The following PHF19 variants were observed in gnomAD, a reference collection of about 807,000 sequenced individuals.
PHF19 encodes the protein PHD finger protein 19.
PHF19 carries 21 observed loss-of-function variants against 79.8 expected under a neutral mutation model. The observed-to-expected ratio is 0.26, with a 90% CI of 0.19 to 0.38. The LOEUF is 0.38. Ranked by LOEUF, PHF19 falls within the 10% of genes least tolerant of loss-of-function variation. The probability of loss-of-function intolerance (pLI) is 1.00; values close to 1 mark genes in which losing one functional copy is unlikely to be tolerated. For synonymous variants in PHF19, 273 were observed against 296.3 expected, an observed-to-expected ratio of 0.92 and a Z score of 0.81; for missense variants, 445 against 744.2, an observed-to-expected ratio of 0.60 and a Z score of 4.68.
chr9:120,879,396 T>A (rs1018342845), upstream of PHF19, among the ~76,000 whole-genome samples: 1 of 152,200 alleles, frequency 6.6e-6, no homozygotes, highest in Non-Finnish European at 1.5e-5. Flanking sequence ...TGCTGTGAGC[T>A]GCACGTGGAA....
chr9:120,882,228 C>A (rs2046196995), intron 1 of PHF19, among the ~76,000 whole-genome samples: 3 of 152,182 alleles, frequency 2.0e-5, no homozygotes, highest in Admixed American at 2.0e-4. Context: ...TGTCTCAGTA[C>A]CTCTCTGTCC....
chr9:120,897,337 G>A (rs1433046098), upstream of PHF19, among the ~76,000 whole-genome samples: 3 of 152,204 alleles, frequency 2.0e-5, no homozygotes, highest in Admixed American at 2.0e-4. Flanking sequence ...GAGTCAGGGA[G>A]GAAGTGGTGG....
upstream of PHF19, among the ~76,000 whole-genome samples, chr9:120,880,002 AG>A (rs1235855404): frequency 1.5e-5 from 2 of 135,398 alleles, no homozygotes; most frequent in Non-Finnish European, 3.1e-5. Flanking sequence ...CTGTCAATAT[AG>A]GGGGGTGGGG....
chr9:120,897,070 G>A (rs902318447), upstream of PHF19, among the ~76,000 whole-genome samples: 1 of 152,214 alleles, frequency 6.6e-6, no homozygotes, highest in Admixed American at 6.5e-5. Context: ...AGACCTCCTC[G>A]CCTTGGTCTT....
chr9:120,884,435 TC>T (rs2046235320), intron 1 of PHF19, among the ~76,000 whole-genome samples: 2 of 152,034 alleles, frequency 1.3e-5, no homozygotes, highest in Non-Finnish European at 1.5e-5. Flanking sequence ...TGAGAGCTGC[TC>T]CCCGGGAGCC....
At chr9:120,900,906 A>G in the PHF19 span, among the ~76,000 whole-genome samples, 1 of 152,316 alleles carries the variant, frequency 6.6e-6, no homozygotes, top group Middle Eastern at 3.4e-3. Flanking sequence ...ACAATCAGGA[A>G]TTAGTAATTG....
At chr9:120,879,249 G>T (rs2046143425), upstream of PHF19, among the ~76,000 whole-genome samples, 1 of 152,218 alleles carries the variant, frequency 6.6e-6, no homozygotes, top group Non-Finnish European at 1.5e-5. Flanking sequence ...AATCTTGATT[G>T]CCCCACTGTG....
upstream of PHF19, among the ~76,000 whole-genome samples, chr9:120,879,930 AC>A (rs2046154362): frequency 6.6e-6 from 1 of 151,578 alleles, no homozygotes; most frequent in African/African-American, 2.4e-5. Context: ...CACGTGAGAG[AC>A]GCAAATGAAG....
upstream of PHF19, among the ~76,000 whole-genome samples, chr9:120,878,843 G>A (rs530079175): frequency 6.6e-6 from 1 of 152,308 alleles, no homozygotes; most frequent in East Asian, 1.9e-4. Flanking sequence ...AGGGGCCCTA[G>A]GATTGTGCTA....
chr9:120,858,031 C>T lies in PHF19; in HGVS notation c.1656G>A (p.Gly552=). The change falls in exon 15 of 15, where the codon GGG becomes GGA. Residue 552 remains glycine, a synonymous_variant. Coordinates refer to ENST00000373896, the MANE Select transcript of PHF19 (RefSeq NM_015651.3). ...TCCGAGCCAACACCTGGTACTTCTC[C>T]CCACAGGCCAACCGCCCAGCTGCAC... ...YFGAAGRLAC[G]EKYQVLARRV... 6.2e-7 allele frequency: 1 copy of T among 1,614,182 alleles called. No homozygotes were observed. Among genetic ancestry groups the T allele is most frequent in the Non-Finnish European group, 8.5e-7 (1 of 1,180,004 alleles).
rs145178963 is a variant in PHF19 at position 120,861,098 on chromosome 9, C to G, written c.1295G>C (p.Ser432Thr). ...GGTCCCTCACTGATACCTTTTTAAA[C>G]TTTGAATTTCATCCAGCGTGAAGTC... is the stretch of plus-strand genomic sequence containing the variant. The part of the protein sequence containing the change: ...IFDFTLDEIQ[S>T]LKSASSGQTF... Residue 432 changes from serine to threonine, a missense_variant, in exon 13 of 15, where the codon AGT becomes ACT. Physicochemically the swap from Ser to Thr is moderately conservative, Grantham distance 58. Coordinates refer to ENST00000373896, the MANE Select transcript of PHF19 (RefSeq NM_015651.3). The G allele has an allele frequency of 3.1e-6, 5 of 1,600,080 alleles. No homozygotes were observed. Among genetic ancestry groups the G allele is most frequent in the Non-Finnish European group, 3.4e-6 (4 of 1,167,204 alleles).
At chr9:120,892,006 A>C (rs1468614648) in intron 1 of PHF19, among the ~76,000 whole-genome samples, 1 of 152,202 alleles carries the variant, frequency 6.6e-6, no homozygotes, top group African/African-American at 2.4e-5. Context: ...CCATGCGGGG[A>C]CTGGAAAACG....
chr9:120,868,849 C>T (rs2045790387), intron 6 of PHF19: 1 of 1,080,750 alleles, frequency 9.3e-7, no homozygotes, highest in South Asian at 3.7e-5. Flanking sequence ...CCGCCAGGCC[C>T]GCCTCCCGAG....
chr9:120,881,285 CT>C (rs2131582821), upstream of PHF19, among the ~76,000 whole-genome samples: 1 of 151,456 alleles, frequency 6.6e-6, no homozygotes, highest in African/African-American at 2.4e-5. Context: ...GTAGCTGGGA[CT>C]ACAGGCACCC....
chr9:120,871,012 C>T (rs1041860672), intron 3 of PHF19, among the ~76,000 whole-genome samples: 1 of 152,198 alleles, frequency 6.6e-6, no homozygotes, highest in African/African-American at 2.4e-5. Context: ...AAGCAATTCT[C>T]CTGCCTCAGC....
At chr9:120,881,768 G>A (rs2046189231), upstream of PHF19, among the ~76,000 whole-genome samples, 1 of 151,982 alleles carries the variant, frequency 6.6e-6, no homozygotes, top group African/African-American at 2.4e-5. Context: ...TTATTTGTTT[G>A]TTTGTTTATT....
intron 1 of PHF19, among the ~76,000 whole-genome samples, chr9:120,893,852 G>A (rs2046371965): frequency 6.6e-6 from 1 of 152,178 alleles, no homozygotes. Flanking sequence ...TTCCCTAAGG[G>A]CCTAAAATTT....
rs774947792 is a variant in PHF19, at chr9:120,869,342, C to T, written c.466-12G>A. 8 of 1,610,052 alleles carry T rather than the reference C, an allele frequency of 5.0e-6. No individual in the cohort carries two copies. Among genetic ancestry groups the T allele is most frequent in the Non-Finnish European group, 6.8e-6 (8 of 1,178,856 alleles). On this transcript the variant is annotated splice_polypyrimidine_tract_variant and intron_variant, in intron 5 of 14. Transcript: ENST00000373896. This position sits in a 1 kb window ranked among gnomAD's most constrained non-coding sequence, Gnocchi z 5.8. ...AGCGCGCCGCCTTTCTGGGGGGAGA[C>T]GAGGGCCCCAGTCAACCACCAGGTC...
chr9:120,882,158 A>G (rs1432914709), upstream of PHF19, among the ~76,000 whole-genome samples: 1 of 152,244 alleles, frequency 6.6e-6, no homozygotes, highest in Non-Finnish European at 1.5e-5. Flanking sequence ...GGAAAGGCGT[A>G]GTGATAAACT....
Sources: gnomAD v4.1 joint callset for allele counts (sites outside exome capture counted in the v4.1 genomes callset) on GRCh38, gnomAD v4.1.1 for gene constraint, Gnocchi (gnomAD v3.1) non-coding constraint, MANE v1.5 for transcripts, NCBI Gene and HGNC (gene_info 2026-07-23, HGNC 2026-07-21) for gene names.